WDPCP: variants seen among roughly 807,000 people sequenced by gnomAD.
WDPCP encodes WD repeat containing planar cell polarity effector.
Under a neutral mutation model 93.1 loss-of-function variants are expected in WDPCP, and 71 were observed. The ratio of observed to expected loss-of-function variants is 0.76; its 90% CI spans 0.63 to 0.93. WDPCP has a LOEUF of 0.93. WDPCP is among the 40% of genes least tolerant of loss of function. WDPCP has a pLI of 0.00. For synonymous variants in WDPCP, 315 were observed against 315.0 expected (o/e 1.00, Z 0.00); for missense variants, 844 against 887.4 (o/e 0.95, Z 0.62).
chr2:63,297,566 A>T (rs2103682643), intron 13 of WDPCP, among the ~76,000 whole-genome samples: 1 of 152,302 alleles, frequency 6.6e-6, no homozygotes, highest in East Asian at 1.9e-4. Flanking sequence ...AGCAATACAA[A>T]CTACAACAAC....
At chr2:63,388,770 G>A (rs1033874787) in intron 10 of WDPCP, among the ~76,000 whole-genome samples, 24 of 152,114 alleles carry the variant, frequency 1.6e-4, no homozygotes, top group East Asian at 1.9e-4. Context: ...TTCAATAGCC[G>A]ATTCAATCAA....
intron 9 of WDPCP, among the ~76,000 whole-genome samples, chr2:63,424,363 G>T (rs1696097552): frequency 6.6e-6 from 1 of 152,086 alleles, no homozygotes; most frequent in Non-Finnish European, 1.5e-5. Flanking sequence ...TCCCCCAACT[G>T]ACCACTGAGC....
At chr2:63,651,983 T>G (rs1452619765) in intron 2 of WDPCP, among the ~76,000 whole-genome samples, 1 of 152,248 alleles carries the variant, frequency 6.6e-6, no homozygotes, top group Non-Finnish European at 1.5e-5. Context: ...ATAAACAGCC[T>G]AATTTAAGCC....
At chr2:63,579,154 C>A (rs537966192) in intron 1 of WDPCP, among the ~76,000 whole-genome samples, 12 of 152,304 alleles carry the variant, frequency 7.9e-5, no homozygotes, top group African/African-American at 2.9e-4. Flanking sequence ...CATAAGTCTT[C>A]TCCAACAGTG....
chr2:63,248,536 G>C (rs1488563022), intron 14 of WDPCP, among the ~76,000 whole-genome samples: 1 of 151,826 alleles, frequency 6.6e-6, no homozygotes, highest in African/African-American at 2.4e-5. Flanking sequence ...TCTGTTCAAT[G>C]AGCATCTTGG....
chr2:63,492,963 G>C (rs750234947), intron 1 of WDPCP, 23 bp from the exon 2 acceptor site: 8 of 1,600,388 alleles, frequency 5.0e-6, no homozygotes, highest in South Asian at 4.4e-5. Context: ...TAATTAAAAA[G>C]AGGTGCCAAT....
At chr2:63,543,494 C>T (rs1043516629) in intron 1 of WDPCP, among the ~76,000 whole-genome samples, 1 of 151,976 alleles carries the variant, frequency 6.6e-6, no homozygotes, top group African/African-American at 2.4e-5. Flanking sequence ...TATTGTGTCT[C>T]AAATTGGAAA....
At chr2:63,604,787 A>G in intron 3 of WDPCP, 1 of 1,614,190 alleles carries the variant, frequency 6.2e-7, no homozygotes, top group Non-Finnish European at 8.5e-7. Context: ...GATGTCAACC[A>G]TGCCAAGGTG....
chr2:63,676,838 T>C (rs1710409514), intron 2 of WDPCP, among the ~76,000 whole-genome samples: 1 of 152,026 alleles, frequency 6.6e-6, no homozygotes, highest in African/African-American at 2.4e-5. Flanking sequence ...CATGTATAAC[T>C]GGTAAAATCT....
At chr2:63,748,025 A>T (rs1669824643) in intron 2 of WDPCP, among the ~76,000 whole-genome samples, 1 of 151,940 alleles carries the variant, frequency 6.6e-6, no homozygotes, top group East Asian at 1.9e-4. Context: ...TAGAAAGAGA[A>T]TAAGAAAAAG....
chr2:63,238,391 T>A (rs1486700131), intron 14 of WDPCP, among the ~76,000 whole-genome samples: 3 of 152,172 alleles, frequency 2.0e-5, no homozygotes, highest in Non-Finnish European at 4.4e-5. Flanking sequence ...ATTTTAAAAT[T>A]TTATTTAATT....
At position 63,736,088 on chromosome 2, in the gene WDPCP, A is replaced by G. The variant is rs146150187; in HGVS notation, n.308+77534T>C. On this transcript the variant is annotated intron_variant and non_coding_transcript_variant, in intron 2 of 4. Coordinates refer to the WDPCP transcript ENST00000467687. ...TTTCCCCACCTCCAATTTTACTGAC[A>G]GTGAAACTGAACACCATAGAGGAAA... Among the ~76,000 whole-genome samples the G allele has an allele frequency of 4.1e-3, 627 of 152,360 alleles. 3 individuals carry two copies. The highest frequency in any genetic ancestry group is 0.014 in the African/African-American group (587 of 41,574).
At chr2:63,335,356 A>G (rs569038356) in intron 12 of WDPCP, among the ~76,000 whole-genome samples, 1 of 150,048 alleles carries the variant, frequency 6.7e-6, no homozygotes, top group South Asian at 2.1e-4. Flanking sequence ...AATGATTGAG[A>G]CTCTCCTTGC....
chr2:63,601,252 A>C (rs1257803983), intron 3 of WDPCP, among the ~76,000 whole-genome samples: 3 of 152,220 alleles, frequency 2.0e-5, no homozygotes, highest in Admixed American at 2.0e-4. Flanking sequence ...CCAGTGAGAA[A>C]AATAACAAAC....
chr2:63,247,614 T>A (rs1680385625), intron 14 of WDPCP, among the ~76,000 whole-genome samples: 1 of 151,698 alleles, frequency 6.6e-6, no homozygotes, highest in Non-Finnish European at 1.5e-5. Context: ...GTGTTTTGTG[T>A]TTAGACCTGG....
intron 3 of WDPCP, chr2:63,606,792 C>A: frequency 8.1e-7 from 1 of 1,240,028 alleles, no homozygotes; most frequent in Non-Finnish European, 1.1e-6. Context: ...AATATAAGTT[C>A]AAACAAGGTT....
intron 1 of WDPCP, among the ~76,000 whole-genome samples, chr2:63,526,195 T>A (rs1703328503): frequency 1.3e-5 from 2 of 152,110 alleles, no homozygotes; most frequent in Admixed American, 1.3e-4. Context: ...TATAACCAAG[T>A]CTTGAAGTTT....
intron 17 of WDPCP, among the ~76,000 whole-genome samples, chr2:63,147,128 G>A (rs1671572423): frequency 6.6e-6 from 1 of 152,102 alleles, no homozygotes; most frequent in African/African-American, 2.4e-5. Context: ...AAATAAAACT[G>A]GAAAGCACAG....
chr2:63,241,610 G>C (rs1259308575), intron 14 of WDPCP, among the ~76,000 whole-genome samples: 1 of 152,022 alleles, frequency 6.6e-6, no homozygotes, highest in Admixed American at 6.6e-5. Context: ...AATTTTTAAA[G>C]TATTTTTAGA....
Sources: gnomAD v4.1 joint callset for allele counts (sites outside exome capture counted in the v4.1 genomes callset) on GRCh38, gnomAD v4.1.1 for gene constraint, MANE v1.5 for transcripts, NCBI Gene and HGNC (gene_info 2026-07-23, HGNC 2026-07-21) for gene names.